LRPAP1: variants seen among roughly 807,000 people sequenced by gnomAD.
The protein encoded by LRPAP1 is alpha-2-macroglobulin receptor-associated protein.
In LRPAP1, 41 loss-of-function variants were observed where a neutral mutation model predicts 39.9. That is an observed-to-expected ratio of 1.03 (90% CI 0.80 to 1.33). LRPAP1 has a LOEUF of 1.33. Ranked by LOEUF, LRPAP1 falls within the 40% of genes most tolerant of loss-of-function variation. The pLI is 0.00. For synonymous variants in LRPAP1, 263 were observed against 212.7 expected (o/e 1.24, Z -2.06); for missense variants, 565 against 482.3 (o/e 1.17, Z -1.61).
chr4:3,528,382 T>G (rs1208827971), intron 1 of LRPAP1, among the ~76,000 whole-genome samples: 1 of 151,926 alleles, frequency 6.6e-6, no homozygotes, highest in Non-Finnish European at 1.5e-5. Context: ...GCTTGGGACC[T>G]CAGCAGTGGC....
chr4:3,513,618 T>C (rs1271943725), intron 7 of LRPAP1, among the ~76,000 whole-genome samples: 1 of 152,188 alleles, frequency 6.6e-6, no homozygotes, highest in African/African-American at 2.4e-5. Flanking sequence ...CCCACAGTGT[T>C]ATTTTTAAAA....
intron 5 of LRPAP1, among the ~76,000 whole-genome samples, chr4:3,516,531 C>T (rs528798608): frequency 2.6e-5 from 4 of 152,340 alleles, no homozygotes; most frequent in South Asian, 4.1e-4. Flanking sequence ...AGAGGATGGA[C>T]GTGGCCTGTG....
intron 5 of LRPAP1, 44 bp from the exon 6 acceptor site, chr4:3,516,242 C>G (rs200616403): frequency 2.0e-6 from 3 of 1,478,610 alleles, no homozygotes; most frequent in African/African-American, 2.8e-5. Context: ...ACCCGGGGTG[C>G]ACACCACAGC....
chr4:3,515,549 T>C (rs541129859), intron 6 of LRPAP1, among the ~76,000 whole-genome samples: 1 of 152,234 alleles, frequency 6.6e-6, no homozygotes, highest in South Asian at 2.1e-4. Flanking sequence ...ACACCAGCTA[T>C]AGGGACCCTG....
At chr4:3,514,982 CT>C in intron 6 of LRPAP1, 54 bp from the exon 7 acceptor site, 1 of 1,587,936 alleles carries the variant, frequency 6.3e-7, no homozygotes, top group South Asian at 1.1e-5. Flanking sequence ...GCCACGCCAT[CT>C]TGTGGTCCCG....
rs1439224745 is a variant in LRPAP1 at position 3,512,182 on chromosome 4, C to T, written c.*792G>A. On this transcript the variant is annotated 3_prime_UTR_variant, in exon 8 of 8. Coordinates refer to ENST00000650182, the MANE Select transcript of LRPAP1 (RefSeq NM_002337.4). ...AGCCGGACCTGAGCAACCGCCAGTC[C>T]ATCAGCTATGGTCAGAGGAAGGCCT... is the stretch of plus-strand genomic sequence containing the variant. 6.6e-6 allele frequency: 1 copy of T among 152,462 alleles called. No homozygotes were observed. The highest frequency in any genetic ancestry group is 1.9e-4 in the East Asian group (1 of 5,202). The allele number at this position is 152,462 out of a possible 1,614,324, so 9.4% of individuals were successfully genotyped here. A position where few individuals can be genotyped will look rare whatever the true frequency, so the allele number is the denominator to read the frequency against.
rs757783119 is a variant in LRPAP1 at position 3,514,869 on chromosome 4, C to T, written c.894G>A (p.Leu298=). Residue 298 remains leucine, a synonymous_variant, in exon 7 of 8, where the codon CTG becomes CTA. Coordinates refer to ENST00000650182, the MANE Select transcript of LRPAP1 (RefSeq NM_002337.4). ...GCCTCAGCTTCTCGTGCGCAATCTCCAGCTGCTTCTGGTAGTGGTTGTGCT... is the reference window on the plus strand; with the variant it reads ...GCCTCAGCTTCTCGTGCGCAATCTCTAGCTGCTTCTGGTAGTGGTTGTGCT... ...IEKHNHYQKQ[L]EIAHEKLRHA... 1.8e-5 allele frequency: 29 copies of T among 1,613,816 alleles called. 1 individual carries two copies. The highest frequency in any genetic ancestry group is 8.3e-5 in the Admixed American group (5 of 60,010).
At chr4:3,527,980 G>A (rs189127775) in intron 1 of LRPAP1, among the ~76,000 whole-genome samples, 53 of 152,264 alleles carry the variant, frequency 3.5e-4, no homozygotes, top group African/African-American at 1.2e-3. Context: ...ATTTCACACC[G>A]CATGTCTCAC....
intron 1 of LRPAP1, 192 bp downstream of exon 1, chr4:3,532,017 C>A: frequency 1.5e-6 from 1 of 653,730 alleles, no homozygotes; most frequent in Non-Finnish European, 2.5e-6. Flanking sequence ...GCACGGGTAC[C>A]TTTCCTGCTG....
rs1035992412 is a variant in LRPAP1, at chr4:3,532,075, A to C, written c.204+134T>G. On this transcript the variant is annotated intron_variant, in intron 1 of 7. Transcript: ENST00000650182. ...CCTGACACTTGGGGGAGGCTGTGCC[A>C]AGGACAGGGCGCGTAGGGCACAGGT... 11 of 1,010,198 alleles carry C rather than the reference A, an allele frequency of 1.1e-5. No individual in the cohort carries two copies. In the South Asian group the frequency reaches 1.8e-4, roughly 17 times the overall value. 62.6% of individuals were successfully genotyped at this position (1,010,198 alleles called of 1,614,324 possible).
chr4:3,517,320 G>A (rs752363541), intron 5 of LRPAP1, among the ~76,000 whole-genome samples: 11 of 152,252 alleles, frequency 7.2e-5, no homozygotes, highest in Non-Finnish European at 1.5e-4. Context: ...GCCTGGCACC[G>A]GGGACAGAGA....
intron 2 of LRPAP1, among the ~76,000 whole-genome samples, chr4:3,520,622 CA>C: frequency 6.6e-6 from 1 of 152,360 alleles, no homozygotes; most frequent in Non-Finnish European, 1.5e-5. Flanking sequence ...TGCCATAGGG[CA>C]AAAACTCTAA....
At position 3,510,286 on chromosome 4, in the gene LRPAP1, AAAT is replaced by A. The variant is rs1256747021; in HGVS notation, c.*2685_*2687del. 4 of 152,226 alleles carry A rather than the reference AAAT, an allele frequency of 2.6e-5. No individual in the cohort carries two copies. The highest frequency in any genetic ancestry group is 4.8e-5 in the African/African-American group (2 of 41,448). The allele number at this position is 152,226 out of a possible 1,614,324, so 9.4% of individuals were successfully genotyped here. ...TCTACAAAAAAAATAAAAATAAAAA[AAAT>A]AAAATCAGCCGGGTGTGGTGACACA... is the stretch of plus-strand genomic sequence containing the variant. On this transcript the variant is annotated 3_prime_UTR_variant, in exon 8 of 8. Transcript: ENST00000650182.
intron 4 of LRPAP1, 103 bp from the exon 5 acceptor site, chr4:3,518,295 C>T: frequency 8.0e-7 from 1 of 1,253,050 alleles, no homozygotes; most frequent in East Asian, 2.6e-5. Context: ...AACTCGCTCT[C>T]ATTTCTGGGC....
chr4:3,515,043 G>C lies in LRPAP1; in HGVS notation c.835-115C>G, dbSNP rs1042876288. On this transcript the variant is annotated intron_variant, in intron 6 of 7. Coordinates refer to ENST00000650182, the MANE Select transcript of LRPAP1 (RefSeq NM_002337.4). ...ACGGCGCCATACCCGGGGCAGGACA[G>C]GCCTTGCGGTGACATGGGCAATGAG... 10 of 1,196,700 alleles carry C rather than the reference G, an allele frequency of 8.4e-6. No homozygotes were observed. The Admixed American group carries it at 1.0e-4, about 12-fold the overall frequency. The allele number at this position is 1,196,700 out of a possible 1,614,324, so 74.1% of individuals were successfully genotyped here. A position where few individuals can be genotyped will look rare whatever the true frequency, so the allele number is the denominator to read the frequency against.
In LRPAP1 at chr4:3,505,516, C is replaced by T. The variant is rs965652351; in HGVS notation, c.*7458G>A. 9.8e-5 allele frequency among the ~76,000 whole-genome samples: 15 copies of T among 152,338 alleles called. No individual in the cohort carries two copies. The highest frequency in any genetic ancestry group is 3.4e-4 in the African/African-American group (14 of 41,582). On this transcript the variant is annotated 3_prime_UTR_variant, in exon 8 of 8. Transcript: ENST00000650182. Reference sequence around the variant, plus strand: ...GTGCCTGGCAGGGGCCTCCTGCGGCCGGAACGTCCCCTGCATCCCCAACCA... The same window carrying T: ...GTGCCTGGCAGGGGCCTCCTGCGGCTGGAACGTCCCCTGCATCCCCAACCA...
chr4:3,518,297 T>G, intron 4 of LRPAP1, 105 bp from the exon 5 acceptor site: 10 of 1,256,054 alleles, frequency 8.0e-6, no homozygotes, highest in Non-Finnish European at 9.7e-6. Flanking sequence ...CTCGCTCTCA[T>G]TTCTGGGCTG....
At position 3,508,292 on chromosome 4, in the gene LRPAP1, C is replaced by A. The variant is rs999917878; in HGVS notation, c.*4682G>T. 2 of 152,264 alleles carry A rather than the reference C, an allele frequency of 1.3e-5. No homozygotes were observed. The highest frequency in any genetic ancestry group is 4.8e-5 in the African/African-American group (2 of 41,554). The allele number at this position is 152,264 out of a possible 1,614,324, so 9.4% of individuals were successfully genotyped here. On this transcript the variant is annotated 3_prime_UTR_variant, in exon 8 of 8. Coordinates refer to ENST00000650182, the MANE Select transcript of LRPAP1 (RefSeq NM_002337.4). ...AAGTGCTGGGATTACAAGCGTGAGC[C>A]ACCATGCCAGGCCTCATGTCTATTT... is the stretch of plus-strand genomic sequence containing the variant.
Position 3,511,143 on chromosome 4 carries a change from G to A in LRPAP1, c.*1831C>T, listed in dbSNP as rs572432322. 6.6e-6 allele frequency: 1 copy of A among 152,294 alleles called. No individual in the cohort carries two copies. The highest frequency in any genetic ancestry group is 2.4e-5 in the African/African-American group (1 of 41,554). 9.4% of individuals were successfully genotyped at this position (152,294 alleles called of 1,614,324 possible). On this transcript the variant is annotated 3_prime_UTR_variant, in exon 8 of 8. Coordinates refer to ENST00000650182, the MANE Select transcript of LRPAP1 (RefSeq NM_002337.4). ...CTAGTGTTCTCCTTCCACCCAGCTG[G>A]GAGAAAGAAACACAGTCCAACCACT...
Sources: allele counts gnomAD v4.1 joint callset (sites outside exome capture counted in the v4.1 genomes callset), GRCh38; gene constraint gnomAD v4.1.1; transcripts MANE v1.5; gene names NCBI Gene and HGNC (gene_info 2026-07-23, HGNC 2026-07-21).